Variants in SPATA16 observed in about 807,000 individuals in gnomAD.
The protein encoded by SPATA16 is spermatogenesis-associated protein 16.
SPATA16 carries 36 observed loss-of-function variants against 63.3 expected under a neutral mutation model. The ratio of observed to expected loss-of-function variants is 0.57; its 90% CI spans 0.44 to 0.75. SPATA16 has a LOEUF of 0.75. Ranked by LOEUF, SPATA16 falls within the 30% of genes least tolerant of loss-of-function variation. The pLI, the probability that SPATA16 is intolerant of heterozygous loss-of-function variation, is 0.00. For synonymous variants in SPATA16, 203 were observed against 216.7 expected (o/e 0.94, Z 0.56); for missense variants, 646 against 679.3 (o/e 0.95, Z 0.54).
At chr3:173,133,626 G>C (rs915526264) in intron 1 of SPATA16, among the ~76,000 whole-genome samples, 2 of 152,108 alleles carry the variant, frequency 1.3e-5, no homozygotes, top group Non-Finnish European at 2.9e-5. Context: ...GGAGAAGACA[G>C]CACAATTTAA....
chr3:173,028,000 TCCCTCCCTCCCTC>T (rs1735494090), intron 3 of SPATA16, among the ~76,000 whole-genome samples: 2 of 19,232 alleles, frequency 1.0e-4, no homozygotes, highest in Admixed American at 6.7e-4. Context: ...CCTCCCTCCC[TCCCTCCCTCCCTC>T]CCTTCCTTCT....
chr3:173,074,759 A>T (rs184950404), intron 2 of SPATA16, among the ~76,000 whole-genome samples: 82 of 152,200 alleles, frequency 5.4e-4, no homozygotes, highest in African/African-American at 1.8e-3. Flanking sequence ...AACTAACTGG[A>T]GGCTGTGGCA....
At chr3:172,999,541 G>A (rs1280788594) in intron 4 of SPATA16, among the ~76,000 whole-genome samples, 1 of 152,054 alleles carries the variant, frequency 6.6e-6, no homozygotes, top group Non-Finnish European at 1.5e-5. Context: ...AGCCTCCTGA[G>A]TAGCTGTGAT....
At chr3:173,033,657 C>T (rs1340679616) in intron 3 of SPATA16, among the ~76,000 whole-genome samples, 1 of 152,030 alleles carries the variant, frequency 6.6e-6, no homozygotes, top group Non-Finnish European at 1.5e-5. Flanking sequence ...TTGAGTTTCA[C>T]ATGTTTTTTT....
chr3:172,962,809 T>C lies in SPATA16; in HGVS notation c.934-5985A>G, dbSNP rs188527869. On this transcript the variant is annotated intron_variant, in intron 5 of 10. Transcript: ENST00000351008. Reference sequence around the variant, plus strand: ...GTGTTTAATGGCTAATAAACCTCTTTGTTATTATATTAATAATAATGCAAT... The same window carrying C: ...GTGTTTAATGGCTAATAAACCTCTTCGTTATTATATTAATAATAATGCAAT... Among the ~76,000 whole-genome samples, 2 of 152,228 alleles carry C rather than the reference T, an allele frequency of 1.3e-5. 1 individual carries two copies. The highest frequency in any genetic ancestry group is 1.3e-4 in the Admixed American group (2 of 15,284).
At chr3:172,915,256 A>G (rs182344556) in intron 9 of SPATA16, among the ~76,000 whole-genome samples, 36 of 152,240 alleles carry the variant, frequency 2.4e-4, no homozygotes, top group Non-Finnish European at 4.1e-4. Flanking sequence ...TTTAGTATGC[A>G]TAGTTTTATT....
intron 2 of SPATA16, among the ~76,000 whole-genome samples, chr3:173,066,792 G>C (rs549581699): frequency 6.6e-6 from 1 of 152,204 alleles, no homozygotes; most frequent in African/African-American, 2.4e-5. Context: ...AGAGCATTCA[G>C]GAAAACATGA....
intron 5 of SPATA16, among the ~76,000 whole-genome samples, chr3:172,969,949 A>ATCCGTGAAATACACTTGTGG (rs1734010651): frequency 6.6e-6 from 1 of 152,194 alleles, no homozygotes; most frequent in Admixed American, 6.5e-5. Context: ...AGAGCGAAAG[A>ATCCGTGAAATACACTTGTGG]TCCGTGAAAT....
intron 1 of SPATA16, among the ~76,000 whole-genome samples, chr3:173,123,601 ATT>A (rs541550629): frequency 3.1e-4 from 42 of 136,416 alleles, no homozygotes; most frequent in Admixed American, 3.0e-4. Context: ...AAGGTATTAG[ATT>A]TTTTTTTTTT....
At chr3:173,096,067 A>G (rs1366336891) in intron 2 of SPATA16, among the ~76,000 whole-genome samples, 2 of 152,042 alleles carry the variant, frequency 1.3e-5, no homozygotes, top group Non-Finnish European at 2.9e-5. Context: ...GAACCTTACT[A>G]CTAATAAAGA....
intron 5 of SPATA16, among the ~76,000 whole-genome samples, chr3:172,974,608 A>G (rs1006113599): frequency 6.6e-6 from 1 of 151,956 alleles, no homozygotes; most frequent in African/African-American, 2.4e-5. Flanking sequence ...TGGGTGAGTG[A>G]ATGGTTTGGT....
chr3:173,126,532 G>C (rs1424392956), intron 1 of SPATA16, among the ~76,000 whole-genome samples: 1 of 152,192 alleles, frequency 6.6e-6, no homozygotes, highest in Admixed American at 6.5e-5. Flanking sequence ...ATTTACGTAA[G>C]AGGCTGTATA....
chr3:173,098,196 T>C (rs1413377147), intron 2 of SPATA16, among the ~76,000 whole-genome samples: 5 of 151,830 alleles, frequency 3.3e-5, no homozygotes, highest in South Asian at 2.1e-4. Flanking sequence ...CTATTAATAA[T>C]AGACAATGTA....
intron 3 of SPATA16, among the ~76,000 whole-genome samples, chr3:173,028,008 TC>T (rs1735496398): frequency 2.7e-5 from 1 of 37,584 alleles, no homozygotes; most frequent in Non-Finnish European, 5.0e-5. Context: ...CCTCCCTCCC[TC>T]CCTCCCTTCC....
At chr3:173,081,774 A>G (rs1463166261) in intron 2 of SPATA16, among the ~76,000 whole-genome samples, 3 of 152,206 alleles carry the variant, frequency 2.0e-5, no homozygotes, top group Non-Finnish European at 4.4e-5. Context: ...TAGAAATTCA[A>G]CACCCATGTT....
chr3:172,937,220 C>A (rs990904429), intron 6 of SPATA16, among the ~76,000 whole-genome samples: 3 of 152,142 alleles, frequency 2.0e-5, no homozygotes, highest in Non-Finnish European at 4.4e-5. Flanking sequence ...ATGGCCCTGA[C>A]TCACAGAAGC....
intron 8 of SPATA16, among the ~76,000 whole-genome samples, chr3:172,921,466 T>A (rs938043250): frequency 6.6e-6 from 1 of 151,938 alleles, no homozygotes; most frequent in African/African-American, 2.4e-5. Flanking sequence ...AAGACTGCAG[T>A]CCTGAGTCCA....
intron 3 of SPATA16, among the ~76,000 whole-genome samples, chr3:173,024,880 G>T (rs911856987): frequency 6.7e-6 from 1 of 150,198 alleles, no homozygotes; most frequent in African/African-American, 2.4e-5. Flanking sequence ...TCTTTTTAAA[G>T]AAAGCATTTA....
intron 4 of SPATA16, among the ~76,000 whole-genome samples, chr3:173,010,548 C>T (rs1453374529): frequency 2.6e-5 from 4 of 151,948 alleles, no homozygotes; most frequent in Non-Finnish European, 5.9e-5. Flanking sequence ...TGGTCCTTAC[C>T]CCTGCTGCCC....
Sources: gnomAD v4.1 joint callset for allele counts (sites outside exome capture counted in the v4.1 genomes callset) on GRCh38, gnomAD v4.1.1 for gene constraint, MANE v1.5 for transcripts, NCBI Gene and HGNC (gene_info 2026-07-23, HGNC 2026-07-21) for gene names.